The following PARD3B variants were observed in gnomAD, a reference collection of about 807,000 sequenced individuals.
PARD3B encodes the protein par-3 family cell polarity regulator beta.
Under a neutral mutation model 130.2 loss-of-function variants are expected in PARD3B, and 103 were observed. That is an observed-to-expected ratio of 0.79 (90% CI 0.67 to 0.93). The LOEUF (loss-of-function observed/expected upper bound fraction) is 0.93, where lower values mean the gene tolerates loss of function less well. Ranked by LOEUF, PARD3B falls within the 40% of genes least tolerant of loss-of-function variation. The pLI is 0.00. For missense variants in PARD3B, 1,609 were observed against 1,499.2 expected, an observed-to-expected ratio of 1.07 and a Z score of -1.21; for synonymous variants, 583 against 553.2, an observed-to-expected ratio of 1.05 and a Z score of -0.76.
At chr2:205,114,646 C>A (rs1703895781) in intron 6 of PARD3B, among the ~76,000 whole-genome samples, 1 of 151,926 alleles carries the variant, frequency 6.6e-6, no homozygotes, top group Admixed American at 6.6e-5. Flanking sequence ...AATATTTATT[C>A]AATTCAGTCT....
At chr2:205,400,954 G>A (rs2046230776) in intron 18 of PARD3B, 59 bp from the exon 19 acceptor site, 11 of 1,264,480 alleles carry the variant, frequency 8.7e-6, no homozygotes, top group Admixed American at 6.0e-5. Flanking sequence ...AAATATCTTA[G>A]CTCTACCGCA....
chr2:205,231,470 G>C (rs967530422), intron 15 of PARD3B, among the ~76,000 whole-genome samples: 2 of 151,556 alleles, frequency 1.3e-5, no homozygotes, highest in African/African-American at 4.9e-5. Flanking sequence ...GGGACCACAG[G>C]CACATAACAC....
At chr2:204,826,507 C>T (rs746028154) in intron 2 of PARD3B, among the ~76,000 whole-genome samples, 15 of 152,060 alleles carry the variant, frequency 9.9e-5, no homozygotes, top group Non-Finnish European at 1.8e-4. Context: ...TATGGACTAC[C>T]ACAATAATTT....
chr2:205,524,046 A>G (rs2051222011), intron 21 of PARD3B, among the ~76,000 whole-genome samples: 1 of 151,934 alleles, frequency 6.6e-6, no homozygotes, highest in Non-Finnish European at 1.5e-5. Context: ...GGTTTTTAAT[A>G]TTGATGAAGG....
chr2:205,283,166 G>T (rs2041257360), intron 16 of PARD3B, among the ~76,000 whole-genome samples: 1 of 152,178 alleles, frequency 6.6e-6, no homozygotes, highest in Admixed American at 6.5e-5. Flanking sequence ...TTGAAGGATT[G>T]GTTCTTTCAG....
chr2:204,841,326 T>C lies in PARD3B; in HGVS notation c.223-123826T>C, dbSNP rs185829737. Among the ~76,000 whole-genome samples, 8 of 152,178 alleles carry C rather than the reference T, an allele frequency of 5.3e-5. No homozygotes were observed. In the East Asian group the frequency reaches 1.5e-3, roughly 29 times the overall value. On this transcript the variant is annotated intron_variant, in intron 2 of 22. Transcript: ENST00000406610. Reference sequence around the variant, plus strand: ...GCCAGACAAAAGGTGCATGCCCACATTGAGACAAAGCTAAAGCAAAACTAC... The same window carrying C: ...GCCAGACAAAAGGTGCATGCCCACACTGAGACAAAGCTAAAGCAAAACTAC...
intron 2 of PARD3B, among the ~76,000 whole-genome samples, chr2:204,765,195 C>G (rs1464602688): frequency 6.6e-6 from 1 of 152,178 alleles, no homozygotes; most frequent in Non-Finnish European, 1.5e-5. Flanking sequence ...TGCACTTGTT[C>G]TCAAAGTGTG....
chr2:204,668,168 A>G (rs2036113042), intron 1 of PARD3B, among the ~76,000 whole-genome samples: 1 of 152,170 alleles, frequency 6.6e-6, no homozygotes, highest in Admixed American at 6.5e-5. Context: ...TGGTCTGGAA[A>G]TATTTTCCCC....
chr2:205,230,218 C>A lies in PARD3B; in HGVS notation c.2141-15560C>A, dbSNP rs1173668507. On this transcript the variant is annotated intron_variant, in intron 15 of 22. Transcript: ENST00000406610. This position sits in a 1 kb window ranked among gnomAD's most constrained non-coding sequence, Gnocchi z 4.1. ...AGCAGGAGACCCTCTCCGTAGCCAC[C>A]ATAGTTGGGAATGTGCTGGGCCATA... 6.6e-6 allele frequency among the ~76,000 whole-genome samples: 1 copy of A among 152,036 alleles called. No homozygotes were observed. Among genetic ancestry groups the A allele is most frequent in the Non-Finnish European group, 1.5e-5 (1 of 68,026 alleles).
chr2:205,333,582 G>C (rs1331288042), intron 18 of PARD3B, among the ~76,000 whole-genome samples: 1 of 152,114 alleles, frequency 6.6e-6, no homozygotes, highest in Non-Finnish European at 1.5e-5. Flanking sequence ...TTCCATCAGA[G>C]AAATTCCTCT....
At position 204,675,060 on chromosome 2, in the gene PARD3B, T is replaced by G. The variant is rs1256776826; in HGVS notation, c.121-11121T>G. On this transcript the variant is annotated intron_variant, in intron 1 of 22. Transcript: ENST00000406610. This position sits in a 1 kb window ranked among gnomAD's most constrained non-coding sequence, Gnocchi z 4.4. ...TCCTTCCACTTTTTAGGTGTAGGCT[T>G]TGAATTCCTCTGGACCACACAAGTT... is the stretch of plus-strand genomic sequence containing the variant. Among the ~76,000 whole-genome samples, 2 of 152,176 alleles carry G rather than the reference T, an allele frequency of 1.3e-5. No individual in the cohort carries two copies. The highest frequency in any genetic ancestry group is 2.9e-5 in the Non-Finnish European group (2 of 68,026).
chr2:204,926,924 T>G (rs921928678), intron 2 of PARD3B, among the ~76,000 whole-genome samples: 1 of 152,104 alleles, frequency 6.6e-6, no homozygotes, highest in African/African-American at 2.4e-5. Context: ...TATATATGTG[T>G]CACCTAACAG....
intron 2 of PARD3B, among the ~76,000 whole-genome samples, chr2:204,690,474 G>A (rs1171296197): frequency 2.0e-5 from 3 of 152,136 alleles, no homozygotes; most frequent in Admixed American, 2.0e-4. Context: ...AATGAAAGAA[G>A]AAGGCAGGAG....
intron 22 of PARD3B, among the ~76,000 whole-genome samples, chr2:205,559,560 G>A (rs1195629565): frequency 6.6e-6 from 1 of 151,156 alleles, no homozygotes; most frequent in African/African-American, 2.4e-5. Flanking sequence ...TTTTCATGAG[G>A]ATGTATCTTT....
chr2:205,338,094 A>G (rs1272503593), intron 18 of PARD3B, among the ~76,000 whole-genome samples: 1 of 140,220 alleles, frequency 7.1e-6, no homozygotes, highest in Non-Finnish European at 1.5e-5. Context: ...CGAAGGTTGC[A>G]GTGAGCTGAG....
intron 2 of PARD3B, among the ~76,000 whole-genome samples, chr2:204,782,031 A>T (rs1461417983): frequency 1.3e-5 from 2 of 152,076 alleles, no homozygotes; most frequent in Non-Finnish European, 2.9e-5. Flanking sequence ...TTACTTGATG[A>T]GAAACAATGA....
chr2:204,963,191 G>A (rs1366532775), intron 2 of PARD3B, among the ~76,000 whole-genome samples: 1 of 152,144 alleles, frequency 6.6e-6, no homozygotes, highest in Admixed American at 6.5e-5. Context: ...AAACTTCGGA[G>A]CTACTCTGTT....
At chr2:204,834,750 C>T (rs939572336) in intron 2 of PARD3B, among the ~76,000 whole-genome samples, 2 of 152,154 alleles carry the variant, frequency 1.3e-5, no homozygotes, top group African/African-American at 2.4e-5. Context: ...TCTTCTACCC[C>T]TATCCTCCCA....
chr2:204,668,060 C>T (rs1439545857), intron 1 of PARD3B, among the ~76,000 whole-genome samples: 2 of 152,130 alleles, frequency 1.3e-5, no homozygotes, highest in Non-Finnish European at 2.9e-5. Context: ...AAATGAAAAG[C>T]CTTCTTTCAA....
Sources: allele counts gnomAD v4.1 joint callset (sites outside exome capture counted in the v4.1 genomes callset), GRCh38; gene constraint gnomAD v4.1.1; non-coding constraint Gnocchi (gnomAD v3.1); transcripts MANE v1.5; gene names NCBI Gene and HGNC (gene_info 2026-07-23, HGNC 2026-07-21).